Variants in NAV1 observed in about 807,000 individuals in gnomAD.
The protein encoded by NAV1 is pore membrane and/or filament interacting like protein 3.
Under a neutral mutation model 175.2 loss-of-function variants are expected in NAV1, and 18 were observed. The ratio of observed to expected loss-of-function variants is 0.10; its 90% CI spans 0.07 to 0.15. NAV1 has a LOEUF of 0.15. Among genes scored for constraint, NAV1 ranks in the 10% least tolerant of loss-of-function variants. The pLI is 1.00. For missense variants in NAV1, 1,731 were observed against 2,436.6 expected (o/e 0.71, Z 6.10); for synonymous variants, 897 against 978.7 (o/e 0.92, Z 1.56).
intron 14 of NAV1, 119 bp from the exon 19 acceptor site, chr1:201,794,347 G>A (rs1037825911): frequency 1.2e-6 from 1 of 859,918 alleles, no homozygotes; most frequent in Non-Finnish European, 1.9e-6. Flanking sequence ...AGACCAGGTG[G>A]CCAGGCTGGT....
intron 9 of NAV1, among the ~76,000 whole-genome samples, chr1:201,786,961 G>A (rs749100399): frequency 2.6e-5 from 4 of 152,224 alleles, no homozygotes; most frequent in Admixed American, 1.3e-4. Flanking sequence ...ATGTCAGGCC[G>A]ACGGGGAGGA....
intron 3 of NAV1, among the ~76,000 whole-genome samples, chr1:201,765,837 T>C (rs568076372): frequency 6.6e-6 from 1 of 152,342 alleles, no homozygotes; most frequent in South Asian, 2.1e-4. Flanking sequence ...TTCTGATTTT[T>C]TAATAACGCC....
intron 1 of NAV1, among the ~76,000 whole-genome samples, chr1:201,556,537 C>G (rs1476132305): frequency 1.3e-5 from 2 of 152,116 alleles, no homozygotes; most frequent in Admixed American, 6.5e-5. Flanking sequence ...CAGGAAGGGC[C>G]TCTTGGGAGG....
intron 1 of NAV1, among the ~76,000 whole-genome samples, chr1:201,559,887 A>G (rs1666147068): frequency 6.6e-6 from 1 of 152,152 alleles, no homozygotes; most frequent in African/African-American, 2.4e-5. Context: ...CTCCTCTCCT[A>G]TGCAGGCAGC....
chr1:201,615,245 T>G (rs1667968731), intron 2 of NAV1, among the ~76,000 whole-genome samples: 1 of 146,214 alleles, frequency 6.8e-6, no homozygotes, highest in East Asian at 2.0e-4. Context: ...TTTCTGCCAT[T>G]TCTTTCTTTC....
chr1:201,724,228 T>G (rs1218447483), intron 3 of NAV1: 1 of 152,130 alleles, frequency 6.6e-6, no homozygotes. Flanking sequence ...CAAAAGGAAT[T>G]TGTTTTTCTA....
In NAV1 at chr1:201,808,815, G is replaced by A. The variant is rs775045348; in HGVS notation, c.4151G>A (p.Arg1384His). The A allele has an allele frequency of 1.5e-5, 24 of 1,613,956 alleles. No individual in the cohort carries two copies. The highest frequency in any genetic ancestry group is 1.6e-4 in the Middle Eastern group (1 of 6,062). The change falls in exon 20 of 30, where the codon CGC becomes CAC. Residue 1384 changes from arginine to histidine, a missense_variant. Coordinates refer to ENST00000367296, the Ensembl canonical transcript of NAV1. The surrounding 1 kb of genome is among the most constrained non-coding windows in gnomAD (Gnocchi z 5.5). ...GGATCATCTGCATTATCTTCCCCAC[G>A]CCGCTCCCTAGGCCTGGCACTCACC...
intron 1 of NAV1, among the ~76,000 whole-genome samples, chr1:201,564,920 C>T (rs1490478624): frequency 6.6e-6 from 1 of 152,226 alleles, no homozygotes; most frequent in South Asian, 2.1e-4. Flanking sequence ...ATGCTGCCAT[C>T]TCGCTGCTTC....
Position 201,539,325 on chromosome 1 carries a change from G to A in NAV1, c.-161G>A, listed in dbSNP as rs1245597296. Among the ~76,000 whole-genome samples, 4 of 151,900 alleles carry A rather than the reference G, an allele frequency of 2.6e-5. No homozygotes were observed. The highest frequency in any genetic ancestry group is 4.4e-5 in the Non-Finnish European group (3 of 67,948). ...CGGCTGCGGCGCGGACCCGGAGCCC[G>A]GGCGGGCAGGCGCTCCGGTGAGTGG... On this transcript the variant is annotated 5_prime_UTR_variant, in exon 1 of 34. Transcript: ENST00000685211. The surrounding 1 kb of genome is among the most constrained non-coding windows in gnomAD (Gnocchi z 5.6).
At chr1:201,814,845 G>A (rs927597819) in intron 28 of NAV1, among the ~76,000 whole-genome samples, 5 of 151,672 alleles carry the variant, frequency 3.3e-5, no homozygotes, top group East Asian at 1.9e-4. Context: ...CGAGACCGTC[G>A]TGGCTAACAC....
intron 2 of NAV1, among the ~76,000 whole-genome samples, chr1:201,610,302 G>T (rs115545141): frequency 6.6e-6 from 1 of 152,226 alleles, no homozygotes; most frequent in Non-Finnish European, 1.5e-5. Context: ...CCAAATCAGC[G>T]AAAGATGTCA....
intron 1 of NAV1, among the ~76,000 whole-genome samples, chr1:201,549,724 G>T (rs1665792328): frequency 6.6e-6 from 1 of 151,496 alleles, no homozygotes; most frequent in African/African-American, 2.4e-5. Context: ...TAAGACCTGG[G>T]TGCCGGCCTG....
intron 28 of NAV1, among the ~76,000 whole-genome samples, chr1:201,816,084 G>A (rs1679013231): frequency 6.6e-6 from 1 of 151,758 alleles, no homozygotes; most frequent in Admixed American, 6.6e-5. Flanking sequence ...AAATATGTGA[G>A]GTAAAGTCAG....
chr1:201,718,680 A>C lies in NAV1; in HGVS notation c.1151A>C (p.Asp384Ala), dbSNP rs1672239929. The change falls in exon 3 of 30, where the codon GAC becomes GCC. Residue 384 changes from aspartate to alanine, a missense_variant. Asp to Ala is a moderately radical substitution (Grantham distance 126). Transcript: ENST00000367296. The surrounding 1 kb of genome is among the most constrained non-coding windows in gnomAD (Gnocchi z 4.8). ...GAATCCCTGGACTCGGATGAGGTGGACCTCAAGTCCGGCTACATGAGCGAC... is the reference window on the plus strand; with the variant it reads ...GAATCCCTGGACTCGGATGAGGTGGCCCTCAAGTCCGGCTACATGAGCGAC... The C allele has an allele frequency of 6.2e-7, 1 of 1,614,026 alleles. No homozygotes were observed. The highest frequency in any genetic ancestry group is 8.5e-7 in the Non-Finnish European group (1 of 1,180,030).
chr1:201,720,604 G>A (rs1252276798), intron 3 of NAV1, among the ~76,000 whole-genome samples: 1 of 152,208 alleles, frequency 6.6e-6, no homozygotes, highest in Non-Finnish European at 1.5e-5. Context: ...CTCTTAACTA[G>A]CTGTATGAGC....
chr1:201,807,876 A>T lies in NAV1; in HGVS notation c.3649-77A>T. On this transcript the variant is annotated intron_variant, in intron 17 of 29. Coordinates refer to ENST00000367296, the Ensembl canonical transcript of NAV1. The surrounding 1 kb of genome is among the most constrained non-coding windows in gnomAD (Gnocchi z 5.4). ...CCCCGCCTCCAGCTCTCTCTGTCTCAGAAGTCTCAATCCAGTCCTCCCCCA... is the reference window on the plus strand; with the variant it reads ...CCCCGCCTCCAGCTCTCTCTGTCTCTGAAGTCTCAATCCAGTCCTCCCCCA... 1 of 1,418,832 alleles carries T rather than the reference A, an allele frequency of 7.0e-7. No individual in the cohort carries two copies. Among genetic ancestry groups the T allele is most frequent in the Non-Finnish European group, 9.8e-7 (1 of 1,015,374 alleles). 87.9% of individuals were successfully genotyped at this position (1,418,832 alleles called of 1,614,324 possible).
chr1:201,554,489 C>T (rs78770810), intron 1 of NAV1, among the ~76,000 whole-genome samples: 5,296 of 152,244 alleles, frequency 0.035, 146 homozygotes, highest in South Asian at 0.1. Flanking sequence ...TGTACTGTCA[C>T]GTTCCTGACA....
chr1:201,602,669 T>TG lies in NAV1; in HGVS notation c.-33+14020_-33+14021insG, dbSNP rs542233615. On this transcript the variant is annotated intron_variant, in intron 2 of 33. Coordinates refer to the NAV1 transcript ENST00000685211. ...TTTTTTGGTTTTTTTTTTTTTTGGT[T>TG]TTTTTTTTACCATGAGCTCATCCAG... Among the ~76,000 whole-genome samples, 452 of 144,812 alleles carry TG rather than the reference T, an allele frequency of 3.1e-3. 7 individuals are homozygous for TG. The East Asian group carries it at 0.039, about 13-fold the overall frequency.
intron 1 of NAV1, among the ~76,000 whole-genome samples, chr1:201,666,090 A>G (rs1234790164): frequency 6.6e-6 from 1 of 152,068 alleles, no homozygotes; most frequent in Non-Finnish European, 1.5e-5. Flanking sequence ...GCGGGTTGCC[A>G]GAGGGAATGA....
Sources: gnomAD v4.1 joint callset for allele counts (sites outside exome capture counted in the v4.1 genomes callset) on GRCh38, gnomAD v4.1.1 for gene constraint, Gnocchi (gnomAD v3.1) non-coding constraint, MANE v1.5 for transcripts, NCBI Gene and HGNC (gene_info 2026-07-23, HGNC 2026-07-21) for gene names.